MEN1: variants seen among roughly 807,000 people sequenced by gnomAD.
MEN1 encodes the protein menin 1, also known as menin.
In MEN1, 6 loss-of-function variants were observed where a neutral mutation model predicts 58.0. The observed-to-expected ratio is 0.10, with a 90% CI of 0.06 to 0.20. The LOEUF (loss-of-function observed/expected upper bound fraction) is 0.20, where lower values mean the gene tolerates loss of function less well. Ranked by LOEUF, MEN1 falls within the 10% of genes least tolerant of loss-of-function variation. The pLI is 1.00. For synonymous variants in MEN1, 346 were observed against 350.7 expected, an observed-to-expected ratio of 0.99 and a Z score of 0.15; for missense variants, 492 against 818.5, an observed-to-expected ratio of 0.60 and a Z score of 4.87.
At chr11:64,810,212 C>A in intron 1 of MEN1, 80 bp from the exon 2 acceptor site, 1 of 846,452 alleles carries the variant, frequency 1.2e-6, no homozygotes, top group Non-Finnish European at 1.8e-6. Flanking sequence ...AGGTTCCACC[C>A]GCCCCGACAC....
Position 64,807,440 on chromosome 11 carries a change from T to C in MEN1, c.783+112A>G. 8.0e-7 allele frequency: 1 copy of C among 1,243,666 alleles called. No homozygotes were observed. The highest frequency in any genetic ancestry group is 2.5e-5 in the East Asian group (1 of 40,702). The allele number at this position is 1,243,666 out of a possible 1,614,324, so 77.0% of individuals were successfully genotyped here. A position where few individuals can be genotyped will look rare whatever the true frequency, so the allele number is the denominator to read the frequency against. On this transcript the variant is annotated intron_variant, in intron 4 of 9. Coordinates refer to ENST00000450708, the MANE Select transcript of MEN1 (RefSeq NM_001370259.2). This position sits in a 1 kb window ranked among gnomAD's most constrained non-coding sequence, Gnocchi z 4.9. ...GGCCAGGCCAGGAATTACTAACCCA[T>C]TTTTCCAGGAGGGGAAGCTGAAGCT...
chr11:64,806,160 G>T, intron 7 of MEN1, 72 bp downstream of exon 7: 1 of 1,600,208 alleles, frequency 6.2e-7, no homozygotes. Context: ...CCTCAGTCCT[G>T]GACGAGGGTG....
At position 64,804,980 on chromosome 11, in the gene MEN1, C is replaced by A; in HGVS notation, c.1350+54G>T. On this transcript the variant is annotated intron_variant, in intron 9 of 9. Coordinates refer to ENST00000450708, the MANE Select transcript of MEN1 (RefSeq NM_001370259.2). The surrounding 1 kb of genome is among the most constrained non-coding windows in gnomAD (Gnocchi z 4.2). The stretch of plus-strand genomic sequence containing the variant: ...CTGGGCCAGAAAAGTCTGACAAGCC[C>A]GTGGCTGCTGTCACCACCTGTAGTG... The A allele has an allele frequency of 6.2e-7, 1 of 1,607,364 alleles. No homozygotes were observed.
chr11:64,808,694 C>A (rs1221457435), intron 2 of MEN1, among the ~76,000 whole-genome samples: 1 of 152,144 alleles, frequency 6.6e-6, no homozygotes, highest in Non-Finnish European at 1.5e-5. Flanking sequence ...GCCTGTAATC[C>A]CAGCACTTTG....
Position 64,806,361 on chromosome 11 carries a change from G to T in MEN1, c.920C>A (p.Ala307Asp), listed in dbSNP as rs1278139327. The stretch of plus-strand genomic sequence containing the variant: ...ATCCCGATAGTAGGTCTTGGCTGAG[G>T]CAATGCCCTGGATGGAGGTGAGGCA... ...DPLTLYHKGIASAKTYYRDEH... is the reference protein window; with the variant it reads ...DPLTLYHKGIDSAKTYYRDEH... Residue 307 changes from alanine (A) to aspartate (D), a missense_variant, in exon 7 of 10, where the codon GCC (alanine) becomes GAC (aspartate). Transcript: ENST00000450708. 5 of 1,614,066 alleles carry T rather than the reference G, an allele frequency of 3.1e-6. No homozygotes were observed. Among genetic ancestry groups the T allele is most frequent in the African/African-American group, 1.3e-5 (1 of 74,938 alleles).
chr11:64,810,592 G>A (rs1280950396), upstream of MEN1: 1 of 158,648 alleles, frequency 6.3e-6, no homozygotes, highest in Non-Finnish European at 1.4e-5. Context: ...CCGCCCCTAG[G>A]GTCGCACTAC....
Position 64,803,949 on chromosome 11 carries a change from T to G in MEN1, c.*385A>C. The G allele has an allele frequency of 5.3e-6, 2 of 377,622 alleles. No individual in the cohort carries two copies. Among genetic ancestry groups the G allele is most frequent in the East Asian group, 4.4e-5 (1 of 22,728 alleles). The allele number at this position is 377,622 out of a possible 1,614,324, so 23.4% of individuals were successfully genotyped here. ...GGAGGTGGGACCTGTGCTCCTTGGG[T>G]TAAGGGTGAAACCTCAGCTCCTACA... On this transcript the variant is annotated 3_prime_UTR_variant, in exon 10 of 10. Transcript: ENST00000450708.
chr11:64,804,331 A>G lies in MEN1; in HGVS notation c.*3T>C. The G allele has an allele frequency of 6.2e-7, 1 of 1,614,198 alleles. No individual in the cohort carries two copies. The highest frequency in any genetic ancestry group is 8.5e-7 in the Non-Finnish European group (1 of 1,180,016). On this transcript the variant is annotated 3_prime_UTR_variant, in exon 10 of 10. Coordinates refer to ENST00000450708, the MANE Select transcript of MEN1 (RefSeq NM_001370259.2). This position sits in a 1 kb window ranked among gnomAD's most constrained non-coding sequence, Gnocchi z 4.2. ...CCACAAGCGGTCCGAAGTCCCCAGT[A>G]GTTCAGAGGCCTTTGCGCTGCCGCT... is the stretch of plus-strand genomic sequence containing the variant.
In MEN1 at chr11:64,803,616, TGCA is replaced by T. The variant is rs770837677; in HGVS notation, c.*715_*717del. On this transcript the variant is annotated 3_prime_UTR_variant, in exon 10 of 10. Coordinates refer to ENST00000450708, the MANE Select transcript of MEN1 (RefSeq NM_001370259.2). ...CTCTTGTCACCCACTCCTAACCCTC[TGCA>T]GATTTCCTCCGGGATGCTCCGAGAT... is the stretch of plus-strand genomic sequence containing the variant. 4.3e-5 allele frequency: 10 copies of T among 234,682 alleles called. No individual in the cohort carries two copies. The highest frequency in any genetic ancestry group is 7.6e-5 in the Non-Finnish European group (9 of 118,804). The allele number at this position is 234,682 out of a possible 1,614,324, so 14.5% of individuals were successfully genotyped here.
intron 2 of MEN1, 106 bp downstream of exon 2, chr11:64,809,559 C>T: frequency 1.4e-6 from 2 of 1,400,744 alleles, no homozygotes; most frequent in Non-Finnish European, 2.0e-6. Flanking sequence ...GAAAATAACA[C>T]CTGCCGAACC....
At chr11:64,805,511 C>T in intron 8 of MEN1, 124 bp downstream of exon 8, 1 of 1,244,444 alleles carries the variant, frequency 8.0e-7, no homozygotes, top group East Asian at 2.5e-5. Flanking sequence ...GGGAACATAG[C>T]TGTCTGCTCA....
Position 64,807,465 on chromosome 11 carries a change from T to C in MEN1, c.783+87A>G. 2 of 1,431,046 alleles carry C rather than the reference T, an allele frequency of 1.4e-6. No homozygotes were observed. 88.6% of individuals were successfully genotyped at this position (1,431,046 alleles called of 1,614,324 possible). On this transcript the variant is annotated intron_variant, in intron 4 of 9. Transcript: ENST00000450708. This position sits in a 1 kb window ranked among gnomAD's most constrained non-coding sequence, Gnocchi z 4.9. ...TTTTTCCAGGAGGGGAAGCTGAAGC[T>C]CAGGAAGGGAAAGTGCCCCTGCCCA...
In MEN1 at chr11:64,807,724, T is replaced by C. The variant is rs774678061; in HGVS notation, c.655-44A>G. 6.2e-7 allele frequency: 1 copy of C among 1,613,898 alleles called. No homozygotes were observed. Among genetic ancestry groups the C allele is most frequent in the South Asian group, 1.1e-5 (1 of 91,058 alleles). ...CATTATGTCTCATGATGGCCCACCC[T>C]GTGCCTGCTTCAGGGAATGACAGCC... is the stretch of plus-strand genomic sequence containing the variant. On this transcript the variant is annotated intron_variant, in intron 3 of 9. Transcript: ENST00000450708. The surrounding 1 kb of genome is among the most constrained non-coding windows in gnomAD (Gnocchi z 4.9).
chr11:64,806,366 G>A lies in MEN1; in HGVS notation c.915C>T (p.Gly305=), dbSNP rs1485325548. 3 of 1,614,168 alleles carry A rather than the reference G, an allele frequency of 1.9e-6. No individual in the cohort carries two copies. The highest frequency in any genetic ancestry group is 3.3e-5 in the Admixed American group (2 of 60,030). ...RPDPLTLYHK[G]IASAKTYYRD... ...GATAGTAGGTCTTGGCTGAGGCAAT[G>A]CCCTGGATGGAGGTGAGGCAGAGGA... The change falls in exon 7 of 10, where the codon GGC becomes GGT. Residue 305 remains glycine, a splice_region_variant and synonymous_variant. Transcript: ENST00000450708.
Position 64,804,107 on chromosome 11 carries a change from G to A in MEN1, c.*227C>T. ...AGCGTGAGGTTTCCATTGGCCGGCT[G>A]GGATTCTGGGAGAAGAGACCTATAT... On this transcript the variant is annotated 3_prime_UTR_variant, in exon 10 of 10. Coordinates refer to ENST00000450708, the MANE Select transcript of MEN1 (RefSeq NM_001370259.2). The surrounding 1 kb of genome is among the most constrained non-coding windows in gnomAD (Gnocchi z 4.2). The A allele has an allele frequency of 1.7e-6, 1 of 590,412 alleles. No individual in the cohort carries two copies. Among genetic ancestry groups the A allele is most frequent in the Non-Finnish European group, 3.0e-6 (1 of 333,234 alleles). 36.6% of individuals were successfully genotyped at this position (590,412 alleles called of 1,614,324 possible).
Position 64,807,207 on chromosome 11 carries a change from G to A in MEN1, c.796C>T (p.Leu266=). 1 of 1,613,680 alleles carries A rather than the reference G, an allele frequency of 6.2e-7. No individual in the cohort carries two copies. The highest frequency in any genetic ancestry group is 2.2e-5 in the East Asian group (1 of 44,890). The stretch of plus-strand genomic sequence containing the variant: ...TCCAGATGTCCCAGGTCATAGAGCA[G>A]CCAGAGCAGCTTCTAGGAGCCGAAG... ...LLQLQQKLLW[L]LYDLGHLERY... The change falls in exon 5 of 10, where the codon CTG becomes TTG. Residue 266 remains leucine (L), a synonymous_variant. Coordinates refer to ENST00000450708, the MANE Select transcript of MEN1 (RefSeq NM_001370259.2). The surrounding 1 kb of genome is among the most constrained non-coding windows in gnomAD (Gnocchi z 4.9).
intron 2 of MEN1, 127 bp downstream of exon 2, chr11:64,809,538 A>G (rs1055468785): frequency 4.9e-6 from 6 of 1,220,450 alleles, no homozygotes; most frequent in African/African-American, 1.5e-5. Context: ...CAGTTTCCCA[A>G]CTGCAAAGAG....
rs2136178098 is a variant in MEN1 at position 64,809,681 on chromosome 11, G to A, written c.429C>T (p.Leu143=). The A allele has an allele frequency of 6.2e-7, 1 of 1,614,168 alleles. No homozygotes were observed. The highest frequency in any genetic ancestry group is 8.5e-7 in the Non-Finnish European group (1 of 1,179,998). The change falls in exon 2 of 10, where the codon CTC becomes CTT. Residue 143 remains leucine, a synonymous_variant. Transcript: ENST00000450708. ...YFKDRAHIQS[L]FSFITGTKLD... ...GGCTCCAACCTGTGATGAAGCTGAA[G>A]AGGGACTGGATGTGGGCCCGATCCT... is the stretch of plus-strand genomic sequence containing the variant.
intron 2 of MEN1, among the ~76,000 whole-genome samples, chr11:64,809,250 T>G (rs1592656022): frequency 8.1e-6 from 1 of 123,940 alleles, no homozygotes. Context: ...GGGGACAGAG[T>G]GAGACCCTGT....
Sources: allele counts gnomAD v4.1 joint callset (sites outside exome capture counted in the v4.1 genomes callset), GRCh38; gene constraint gnomAD v4.1.1; non-coding constraint Gnocchi (gnomAD v3.1); transcripts MANE v1.5; gene names NCBI Gene and HGNC (gene_info 2026-07-23, HGNC 2026-07-21).